GPHN: variants seen among roughly 807,000 people sequenced by gnomAD.
GPHN encodes the protein gephyrin.
A neutral mutation model predicts 95.5 loss-of-function variants in GPHN; 17 were observed. That is an observed-to-expected ratio of 0.18 (90% CI 0.12 to 0.27). The LOEUF (loss-of-function observed/expected upper bound fraction) is 0.27. Ranked by LOEUF, GPHN falls within the 10% of genes least tolerant of loss-of-function variation. GPHN has a pLI of 1.00. For synonymous variants in GPHN, 320 were observed against 322.5 expected, an observed-to-expected ratio of 0.99 and a Z score of 0.08; for missense variants, 660 against 978.1, an observed-to-expected ratio of 0.67 and a Z score of 4.34.
chr14:67,233,335 T>A, the GPHN span, among the ~76,000 whole-genome samples: 1 of 151,880 alleles, frequency 6.6e-6, no homozygotes, highest in Admixed American at 6.6e-5. Context: ...AGAGACAGGG[T>A]TTTACCATGT....
chr14:66,514,309 T>C (rs1594781199), intron 1 of GPHN, among the ~76,000 whole-genome samples: 1 of 151,924 alleles, frequency 6.6e-6, no homozygotes, highest in Admixed American at 6.6e-5. Flanking sequence ...CTCGTCATTC[T>C]TCTGCGTTAT....
intron 1 of GPHN, among the ~76,000 whole-genome samples, chr14:66,659,315 T>A (rs938894717): frequency 2.0e-5 from 3 of 152,066 alleles, no homozygotes; most frequent in Admixed American, 6.6e-5. Flanking sequence ...ATTTTGGGTA[T>A]TATTTCAATT....
chr14:66,683,043 G>A (rs1251173158), intron 2 of GPHN, among the ~76,000 whole-genome samples: 1 of 151,300 alleles, frequency 6.6e-6, no homozygotes, highest in African/African-American at 2.4e-5. Context: ...TACTTCATTG[G>A]AAGGACAAAA....
chr14:67,624,738 A>G, the GPHN span, among the ~76,000 whole-genome samples: 2 of 152,372 alleles, frequency 1.3e-5, no homozygotes, highest in East Asian at 1.9e-4. Flanking sequence ...GAGCCAAACC[A>G]TATCAAGAAC....
At chr14:66,519,499 C>G (rs1224636912) in intron 1 of GPHN, among the ~76,000 whole-genome samples, 1 of 152,016 alleles carries the variant, frequency 6.6e-6, no homozygotes. Context: ...AAAGATATTT[C>G]ATATAAAATC....
chr14:67,117,154 G>A (rs1416474605), intron 16 of GPHN, among the ~76,000 whole-genome samples: 1 of 152,202 alleles, frequency 6.6e-6, no homozygotes, highest in Admixed American at 6.5e-5. Flanking sequence ...TCTTTGCAAA[G>A]AGTGGGAAAG....
chr14:66,618,726 T>A (rs900879094), intron 1 of GPHN, among the ~76,000 whole-genome samples: 1 of 152,158 alleles, frequency 6.6e-6, no homozygotes, highest in Non-Finnish European at 1.5e-5. Flanking sequence ...GAATCCTGGG[T>A]TGGAGTGTGT....
At chr14:66,547,058 G>T (rs1264330841) in intron 1 of GPHN, among the ~76,000 whole-genome samples, 1 of 152,094 alleles carries the variant, frequency 6.6e-6, no homozygotes, top group Non-Finnish European at 1.5e-5. Context: ...AGTGTTCTTG[G>T]TGGAGCCTTT....
At chr14:66,566,845 A>C (rs943290916) in intron 1 of GPHN, among the ~76,000 whole-genome samples, 1 of 152,152 alleles carries the variant, frequency 6.6e-6, no homozygotes, top group African/African-American at 2.4e-5. Flanking sequence ...GGAGCTTGGG[A>C]CTTATCAGAG....
chr14:67,257,303 T>C, the GPHN span, among the ~76,000 whole-genome samples: 1 of 152,168 alleles, frequency 6.6e-6, no homozygotes, highest in Non-Finnish European at 1.5e-5. Flanking sequence ...GACTGAGTTC[T>C]GTCTGTCCTT....
chr14:66,870,563 A>G (rs2063392221), intron 4 of GPHN, among the ~76,000 whole-genome samples: 1 of 152,196 alleles, frequency 6.6e-6, no homozygotes, highest in Non-Finnish European at 1.5e-5. Flanking sequence ...CCATCCATCT[A>G]TATATTTTTA....
intron 16 of GPHN, among the ~76,000 whole-genome samples, chr14:67,116,360 A>C (rs983880649): frequency 3.9e-5 from 6 of 151,912 alleles, no homozygotes; most frequent in African/African-American, 1.4e-4. Flanking sequence ...AAGGGGAAGC[A>C]AAAAGAAAAG....
the GPHN span, chr14:67,584,236 C>T: frequency 9.7e-7 from 1 of 1,028,764 alleles, no homozygotes; most frequent in Non-Finnish European, 1.4e-6. Flanking sequence ...CACCAGAGGT[C>T]ACTATCCCTC....
At chr14:67,562,495 T>C in the GPHN span, 3 of 1,612,610 alleles carry the variant, frequency 1.9e-6, no homozygotes, top group Non-Finnish European at 2.5e-6. Flanking sequence ...GTCTGGTTAC[T>C]GCTCAGAGAG....
chr14:66,929,204 C>T (rs1056309420), intron 8 of GPHN, among the ~76,000 whole-genome samples: 10 of 151,768 alleles, frequency 6.6e-5, no homozygotes, highest in East Asian at 1.9e-4. Context: ...TACAGGCACG[C>T]GCCACCGTGC....
chr14:66,832,266 T>C (rs1481300019), intron 4 of GPHN, among the ~76,000 whole-genome samples: 4 of 152,200 alleles, frequency 2.6e-5, no homozygotes, highest in African/African-American at 9.6e-5. Flanking sequence ...TTTCAAGTAG[T>C]AAATGGCAAT....
chr14:67,098,764 G>C (rs145615246), intron 12 of GPHN, among the ~76,000 whole-genome samples: 27,476 of 151,474 alleles, frequency 0.18, 2,890 homozygotes, highest in Non-Finnish European at 0.24. Context: ...AGAGGTTGCA[G>C]TGAGCTGAGA....
At chr14:66,601,613 A>G (rs983213368) in intron 1 of GPHN, among the ~76,000 whole-genome samples, 1 of 151,914 alleles carries the variant, frequency 6.6e-6, no homozygotes, top group African/African-American at 2.4e-5. Context: ...ATTAATTGGA[A>G]GTCTTAAAGA....
intron 4 of GPHN, among the ~76,000 whole-genome samples, chr14:66,876,340 C>T (rs554516555): frequency 4.6e-5 from 7 of 152,092 alleles, no homozygotes; most frequent in Admixed American, 1.3e-4. Flanking sequence ...ATTAAAAGAA[C>T]TAGAGAAGCA....
Sources: gnomAD v4.1 joint callset for allele counts (sites outside exome capture counted in the v4.1 genomes callset) on GRCh38, gnomAD v4.1.1 for gene constraint, MANE v1.5 for transcripts, NCBI Gene and HGNC (gene_info 2026-07-23, HGNC 2026-07-21) for gene names.